Variants in TOP6BL observed in about 807,000 individuals in gnomAD.
The protein encoded by TOP6BL is TOP6B like initiator of meiotic double strand breaks.
At chr11:66,777,065 ATATATC>A in the TOP6BL span, among the ~76,000 whole-genome samples, 3 of 150,204 alleles carry the variant, frequency 2.0e-5, no homozygotes, top group Admixed American at 6.7e-5. Context: ...ATCTATATCT[ATATATC>A]TATATCTATA....
the TOP6BL span, chr11:66,796,231 G>A: frequency 7.5e-7 from 1 of 1,338,510 alleles, no homozygotes; most frequent in Non-Finnish European, 1.1e-6. Context: ...ATTCATTTGT[G>A]CTCTTGAGAT....
the TOP6BL span, among the ~76,000 whole-genome samples, chr11:66,770,549 C>T: frequency 2.6e-5 from 4 of 151,872 alleles, no homozygotes; most frequent in Non-Finnish European, 5.9e-5. Context: ...ACTAAAAATA[C>T]AAAAATTAGC....
the TOP6BL span, chr11:66,761,693 G>A: frequency 6.0e-5 from 54 of 894,446 alleles, no homozygotes; most frequent in African/African-American, 6.8e-4. Context: ...CCCTTGGTCC[G>A]CAAGGAAATC....
the TOP6BL span, among the ~76,000 whole-genome samples, chr11:66,825,159 C>T: frequency 8.2e-4 from 125 of 151,792 alleles, no homozygotes; most frequent in Non-Finnish European, 1.5e-3. Flanking sequence ...CTACTGTGCC[C>T]AGCCGGATTA....
chr11:66,831,493 A>AAACT, the TOP6BL span, among the ~76,000 whole-genome samples: 1 of 152,366 alleles, frequency 6.6e-6, no homozygotes, highest in Admixed American at 6.5e-5. Flanking sequence ...AAAAAATCAA[A>AAACT]AACTAAAGGA....
chr11:66,832,012 A>C, the TOP6BL span, among the ~76,000 whole-genome samples: 28 of 150,134 alleles, frequency 1.9e-4, no homozygotes, highest in Non-Finnish European at 4.0e-4. Flanking sequence ...AAAAAAAAAA[A>C]AAAACAAAAA....
At chr11:66,746,889 C>G in the TOP6BL span, among the ~76,000 whole-genome samples, 3 of 151,872 alleles carry the variant, frequency 2.0e-5, no homozygotes, top group Non-Finnish European at 2.9e-5. Flanking sequence ...CTCTCTCCCC[C>G]CAAAAATAAA....
the TOP6BL span, among the ~76,000 whole-genome samples, chr11:66,841,734 C>A: frequency 6.6e-6 from 1 of 152,184 alleles, no homozygotes; most frequent in Non-Finnish European, 1.5e-5. Flanking sequence ...GCCGGGAGTT[C>A]AAAGCTGCAG....
At chr11:66,819,532 G>A in the TOP6BL span, among the ~76,000 whole-genome samples, 1 of 152,102 alleles carries the variant, frequency 6.6e-6, no homozygotes, top group East Asian at 1.9e-4. Flanking sequence ...ATACTTTGAG[G>A]GGCCAAAGCA....
chr11:66,747,146 A>G, the TOP6BL span, among the ~76,000 whole-genome samples: 1 of 151,998 alleles, frequency 6.6e-6, no homozygotes, highest in East Asian at 1.9e-4. Flanking sequence ...CATATTGGCC[A>G]GGCTGATCTT....
At chr11:66,828,233 A>G in the TOP6BL span, 5 of 1,511,940 alleles carry the variant, frequency 3.3e-6, no homozygotes, top group African/African-American at 6.9e-5. Context: ...CCAGTACTGG[A>G]ACTCAGCATG....
At chr11:66,801,036 A>C in the TOP6BL span, 2 of 1,613,686 alleles carry the variant, frequency 1.2e-6, no homozygotes, top group Non-Finnish European at 1.7e-6. Context: ...TGCAGGGTGG[A>C]GAATGAACCC....
chr11:66,774,986 G>A, the TOP6BL span, among the ~76,000 whole-genome samples: 2 of 151,274 alleles, frequency 1.3e-5, no homozygotes, highest in African/African-American at 4.8e-5. Context: ...GGTGGCGGGC[G>A]CCTGTAGTCC....
the TOP6BL span, among the ~76,000 whole-genome samples, chr11:66,748,868 T>C: frequency 1.4e-4 from 18 of 129,750 alleles, no homozygotes; most frequent in Non-Finnish European, 2.9e-4. Context: ...ATTTTGGCAG[T>C]AGCAAAAAAA....
At chr11:66,822,442 T>C in the TOP6BL span, 1 of 639,630 alleles carries the variant, frequency 1.6e-6, no homozygotes, top group Non-Finnish European at 2.8e-6. Context: ...CAGTAACTTT[T>C]GTTGATGGAT....
the TOP6BL span, among the ~76,000 whole-genome samples, chr11:66,836,371 G>C: frequency 4.0e-5 from 6 of 151,658 alleles, no homozygotes; most frequent in Non-Finnish European, 7.4e-5. Flanking sequence ...TACCACGCCC[G>C]GCTAATTTTT....
the TOP6BL span, among the ~76,000 whole-genome samples, chr11:66,806,402 CAATAATATT>C: frequency 6.6e-6 from 1 of 152,028 alleles, no homozygotes; most frequent in East Asian, 1.9e-4. Flanking sequence ...AATGAGTACT[CAATAATATT>C]AATAATTGTT....
At chr11:66,751,089 C>T in the TOP6BL span, among the ~76,000 whole-genome samples, 4 of 151,802 alleles carry the variant, frequency 2.6e-5, no homozygotes, top group Admixed American at 2.0e-4. Context: ...AATCACTGCT[C>T]ACTGCAGCCT....
the TOP6BL span, chr11:66,761,929 A>T: frequency 7.0e-7 from 1 of 1,429,782 alleles, no homozygotes; most frequent in Admixed American, 1.7e-5. Flanking sequence ...TGGGGAGTTG[A>T]TATCAATTCA....
Sources: allele counts gnomAD v4.1 joint callset (sites outside exome capture counted in the v4.1 genomes callset), GRCh38; gene constraint gnomAD v4.1.1; transcripts MANE v1.5; gene names NCBI Gene and HGNC (gene_info 2026-07-23, HGNC 2026-07-21).